Variants in BRD7 observed in about 807,000 individuals in gnomAD.
BRD7 encodes the protein bromodomain-containing protein 7.
In BRD7, 15 loss-of-function variants were observed where a neutral mutation model predicts 82.1. The ratio of observed to expected loss-of-function variants is 0.18; its 90% CI spans 0.12 to 0.28. BRD7 has a LOEUF of 0.28. Among genes scored for constraint, BRD7 ranks in the 10% least tolerant of loss-of-function variants. The pLI is 1.00. For synonymous variants in BRD7, 232 were observed against 266.9 expected (o/e 0.87, Z 1.27); for missense variants, 638 against 779.9 (o/e 0.82, Z 2.17).
At chr16:50,336,514 A>C (rs1387933830) in intron 6 of BRD7, among the ~76,000 whole-genome samples, 1 of 152,238 alleles carries the variant, frequency 6.6e-6, no homozygotes, top group Non-Finnish European at 1.5e-5. Flanking sequence ...GTGAGCCGAG[A>C]TTGCGCCACT....
intron 9 of BRD7, among the ~76,000 whole-genome samples, chr16:50,326,921 T>C (rs2037365168): frequency 6.6e-6 from 1 of 152,190 alleles, no homozygotes; most frequent in Non-Finnish European, 1.5e-5. Context: ...TATGGGCACC[T>C]GAGGGGACTG....
At position 50,356,737 on chromosome 16, in the gene BRD7, TATAC is replaced by T. The variant is rs1429235895; in HGVS notation, c.259-1819_259-1816del. On this transcript the variant is annotated intron_variant, in intron 2 of 16. Transcript: ENST00000394688. ...GGGAAAAAAAAAATATATATATATATATACACACACACACACACATATATATATG... is the reference window on the plus strand; with the variant it reads ...GGGAAAAAAAAAATATATATATATATACACACACACACACATATATATATG... Among the ~76,000 whole-genome samples, 915 of 147,094 alleles carry T rather than the reference TATAC, an allele frequency of 6.2e-3. 9 individuals carry two copies. Among genetic ancestry groups the T allele is most frequent in the African/African-American group, 0.021 (857 of 40,770 alleles).
At chr16:50,323,963 G>A (rs541972870) in intron 11 of BRD7, among the ~76,000 whole-genome samples, 5 of 151,958 alleles carry the variant, frequency 3.3e-5, no homozygotes, top group African/African-American at 9.7e-5. Flanking sequence ...TCTGCTCCCC[G>A]CCCCCTCACT....
At chr16:50,329,977 C>T (rs189532304) in intron 8 of BRD7, among the ~76,000 whole-genome samples, 4 of 152,216 alleles carry the variant, frequency 2.6e-5, no homozygotes, top group Admixed American at 6.5e-5. Flanking sequence ...TTGCCACCCT[C>T]GATACCATAT....
At chr16:50,365,605 GAAAGAAAAGAATAT>G (rs1426026346) in intron 2 of BRD7, among the ~76,000 whole-genome samples, 1 of 152,090 alleles carries the variant, frequency 6.6e-6, no homozygotes, top group Admixed American at 6.5e-5. Flanking sequence ...TATCCTCAGA[GAAAGAAAAGAATAT>G]ACTGCATCTA....
At chr16:50,319,346 T>C (rs2036965092) in intron 16 of BRD7, 80 bp from the exon 17 acceptor site, 1 of 1,386,730 alleles carries the variant, frequency 7.2e-7, no homozygotes, top group African/African-American at 1.4e-5. Context: ...CAAGCTGCCA[T>C]CCAGAAGCAT....
rs35297783 is a variant in BRD7 at position 50,359,563 on chromosome 16, TA to T, written c.259-4642del. ...AGAGTGAAACAGCAGAGATGTTCAT[TA>T]AATAACTCATTCAAAAAACAAACAG... On this transcript the variant is annotated intron_variant, in intron 2 of 16. Coordinates refer to ENST00000394688, the MANE Select transcript of BRD7 (RefSeq NM_013263.5). Among the ~76,000 whole-genome samples the T allele has an allele frequency of 1.4e-3, 207 of 152,274 alleles. 2 individuals are homozygous for T. Among genetic ancestry groups the T allele is most frequent in the Non-Finnish European group, 1.2e-3 (85 of 68,020 alleles).
chr16:50,328,497 A>T (rs1053175562), intron 9 of BRD7, among the ~76,000 whole-genome samples, 172 bp downstream of exon 9: 1 of 152,244 alleles, frequency 6.6e-6, no homozygotes, highest in African/African-American at 2.4e-5. Context: ...TTCAAGATGA[A>T]GTGAAAGTTA....
At chr16:50,363,660 T>TGTGTGTGTGTGTGTGC (rs138025982) in intron 2 of BRD7, among the ~76,000 whole-genome samples, 1,038 of 102,470 alleles carry the variant, frequency 0.01, 9 homozygotes, top group Non-Finnish European at 0.024. Flanking sequence ...TGTGTGTGTG[T>TGTGTGTGTGTGTGTGC]GCGCGCGCGC....
At chr16:50,328,351 A>G (rs1026415631) in intron 9 of BRD7, among the ~76,000 whole-genome samples, 5 of 152,206 alleles carry the variant, frequency 3.3e-5, no homozygotes, top group Non-Finnish European at 5.9e-5. Context: ...GATACCTCTA[A>G]ACTGAGTGTC....
At chr16:50,355,980 A>G (rs2038715651) in intron 2 of BRD7, among the ~76,000 whole-genome samples, 1 of 152,212 alleles carries the variant, frequency 6.6e-6, no homozygotes, top group Non-Finnish European at 1.5e-5. Context: ...CAAAAAGGCA[A>G]AAAATCCAAA....
Position 50,318,030 on chromosome 16 carries a change from T to TA in BRD7, c.*1180dup, listed in dbSNP as rs1351799756. 1 of 152,356 alleles carries TA rather than the reference T, an allele frequency of 6.6e-6. No individual in the cohort carries two copies. The highest frequency in any genetic ancestry group is 1.9e-4 in the East Asian group (1 of 5,334). 9.4% of individuals were successfully genotyped at this position (152,356 alleles called of 1,614,324 possible). On this transcript the variant is annotated 3_prime_UTR_variant, in exon 17 of 17. Coordinates refer to ENST00000394688, the MANE Select transcript of BRD7 (RefSeq NM_013263.5). ...ACTAGGGTTTATTCTATATAATGAA[T>TA]ATTTATAGATCTGTAACATTTGTTT...
Position 50,320,684 on chromosome 16 carries a change from C to G in BRD7, c.1591G>C (p.Val531Leu). Residue 531 changes from valine (V) to leucine (L), a missense_variant, in exon 14 of 17, where the codon GTT becomes CTT. Physicochemically the swap from Val to Leu is conservative, Grantham distance 32. Transcript: ENST00000394688. ...TTACCTTCAGAGTCAAAAACTTCAA[C>G]TGGAACGCCAAAATTTGTTACTGCT... ...LKAVTNFGVP[V>L]EVFDSEEAEI... 1.2e-6 allele frequency: 2 copies of G among 1,614,046 alleles called. No individual in the cohort carries two copies. Among genetic ancestry groups the G allele is most frequent in the Middle Eastern group, 1.7e-4 (1 of 5,992 alleles).
intron 6 of BRD7, among the ~76,000 whole-genome samples, chr16:50,338,027 C>T (rs370873896): frequency 6.6e-6 from 1 of 152,116 alleles, no homozygotes; most frequent in African/African-American, 2.4e-5. Flanking sequence ...AACTACATTA[C>T]TTAAGGAAGT....
In BRD7 at chr16:50,319,129, A is replaced by G; in HGVS notation, c.*82T>C. On this transcript the variant is annotated 3_prime_UTR_variant, in exon 17 of 17. Coordinates refer to ENST00000394688, the MANE Select transcript of BRD7 (RefSeq NM_013263.5). The stretch of plus-strand genomic sequence containing the variant: ...GTTTAATTAAAAACACAATTTACAA[A>G]TATTTAATATCTTCTGAAAAGCATT... 1 of 1,285,996 alleles carries G rather than the reference A, an allele frequency of 7.8e-7. No homozygotes were observed. Among genetic ancestry groups the G allele is most frequent in the Non-Finnish European group, 1.1e-6 (1 of 919,494 alleles). 79.7% of individuals were successfully genotyped at this position (1,285,996 alleles called of 1,614,324 possible).
At position 50,368,318 on chromosome 16, in the gene BRD7, A is replaced by G. The variant is rs1217447882; in HGVS notation, c.50-20T>C. On this transcript the variant is annotated intron_variant, in intron 1 of 16. Transcript: ENST00000394688. ...CATACTCTTAAAAAAAGAAAAGAAA[A>G]GAAAGGAAAGCGCGTCGATTAAAAT... 4.4e-6 allele frequency: 7 copies of G among 1,606,178 alleles called. No individual in the cohort carries two copies. The highest frequency in any genetic ancestry group is 5.9e-6 in the Non-Finnish European group (7 of 1,177,406).
chr16:50,324,645 C>A (rs906873167), intron 11 of BRD7, among the ~76,000 whole-genome samples: 4 of 152,216 alleles, frequency 2.6e-5, no homozygotes, highest in Admixed American at 1.3e-4. Flanking sequence ...TGCTTCCTCA[C>A]CTCCTTCAGT....
intron 2 of BRD7, among the ~76,000 whole-genome samples, chr16:50,365,877 A>G (rs540595424): frequency 6.6e-6 from 1 of 152,300 alleles, no homozygotes; most frequent in Admixed American, 6.5e-5. Context: ...CAAGAAAAGA[A>G]AAAATGGAGG....
chr16:50,363,660 TGCGCGC>T (rs1555472868), intron 2 of BRD7, among the ~76,000 whole-genome samples: 1,785 of 102,488 alleles, frequency 0.017, 35 homozygotes, highest in African/African-American at 0.045. Context: ...TGTGTGTGTG[TGCGCGC>T]GCGCGCGTGC....
Sources: allele counts gnomAD v4.1 joint callset (sites outside exome capture counted in the v4.1 genomes callset), GRCh38; gene constraint gnomAD v4.1.1; transcripts MANE v1.5; gene names NCBI Gene and HGNC (gene_info 2026-07-23, HGNC 2026-07-21).